The following ZNF469 variants were observed in gnomAD, a reference collection of about 807,000 sequenced individuals.
The protein encoded by ZNF469 is zinc finger protein 469.
Under a neutral mutation model 1.0 loss-of-function variants are expected in ZNF469, and 1 was observed. The observed-to-expected ratio is 1.00, with a 90% CI of 0.35 to 4.73. The LOEUF is 4.73. ZNF469 is among the 30% of genes most tolerant of loss of function. The probability of loss-of-function intolerance (pLI) is 0.16; values close to 1 mark genes in which losing one functional copy is unlikely to be tolerated. For synonymous variants in ZNF469, 2,703 were observed against 2,363.4 expected, an observed-to-expected ratio of 1.14 and a Z score of -4.17; for missense variants, 6,100 against 5,356.3, an observed-to-expected ratio of 1.14 and a Z score of -4.33.
At chr16:88,369,065 T>TA in the ZNF469 span, among the ~76,000 whole-genome samples, 1 of 147,610 alleles carries the variant, frequency 6.8e-6, no homozygotes, top group African/African-American at 2.6e-5. Context: ...GGCAACAGAG[T>TA]GAGATTCTGT....
chr16:88,428,605 A>C lies in ZNF469; in HGVS notation c.1135A>C (p.Ile379Leu). The C allele has an allele frequency of 6.5e-7, 1 of 1,550,154 alleles. No individual in the cohort carries two copies. Among genetic ancestry groups the C allele is most frequent in the Non-Finnish European group, 8.7e-7 (1 of 1,146,844 alleles). The change falls in exon 3 of 3, where the codon ATC becomes CTC. Residue 379 changes from isoleucine (I) to leucine (L), a missense_variant. Coordinates refer to ENST00000565624, the MANE Select transcript of ZNF469 (RefSeq NM_001367624.2). Reference protein sequence around the residue: ...SDSLHKSLTKILPERPPSAQD... With the variant: ...SDSLHKSLTKLLPERPPSAQD... ...CAGTTTACACAAGAGCCTGACCAAA[A>C]TCCTTCCCGAAAGACCACCTTCAGC...
chr16:88,364,989 A>C, the ZNF469 span, among the ~76,000 whole-genome samples: 1 of 152,224 alleles, frequency 6.6e-6, no homozygotes, highest in Non-Finnish European at 1.5e-5. Context: ...AAATGAGTGA[A>C]TAAAAAGGCT....
the ZNF469 span, among the ~76,000 whole-genome samples, chr16:88,261,438 G>A: frequency 6.6e-6 from 1 of 152,250 alleles, no homozygotes; most frequent in African/African-American, 2.4e-5. This position sits in a 1 kb window ranked among gnomAD's most constrained non-coding sequence, Gnocchi z 6.0. Context: ...CATGCCCCCC[G>A]CTGAGGAATT....
chr16:88,390,609 G>A (rs1024337615), intron 1 of ZNF469, among the ~76,000 whole-genome samples: 1 of 152,240 alleles, frequency 6.6e-6, no homozygotes, highest in Non-Finnish European at 1.5e-5. Context: ...GGAGAAAACA[G>A]GAAGCAGGGA....
rs997601003 is a variant in ZNF469 at position 88,433,398 on chromosome 16, G to T, written c.5928G>T (p.Gly1976=). 10 of 1,550,244 alleles carry T rather than the reference G, an allele frequency of 6.5e-6. No homozygotes were observed. Among genetic ancestry groups the T allele is most frequent in the African/African-American group, 1.4e-5 (1 of 73,058 alleles). The change falls in exon 3 of 3, where the codon GGG becomes GGT. Residue 1976 remains glycine, a synonymous_variant. Transcript: ENST00000565624. ...TLPAVAGHQL[G]LEADGHWGLL... is the part of the protein sequence containing the mutation. The stretch of plus-strand genomic sequence containing the variant: ...CTGCAGTGGCCGGACATCAGCTGGG[G>T]CTGGAGGCAGATGGACATTGGGGCT...
the ZNF469 span, among the ~76,000 whole-genome samples, chr16:88,284,552 A>G: frequency 7.0e-6 from 1 of 143,292 alleles, no homozygotes; most frequent in Admixed American, 7.3e-5. Flanking sequence ...TCAAGGCTGT[A>G]GTGAGCTGTG....
chr16:88,331,363 CCAT>C, the ZNF469 span, among the ~76,000 whole-genome samples: 113 of 150,724 alleles, frequency 7.5e-4, no homozygotes, highest in African/African-American at 1.8e-3. Context: ...ACCATCATCA[CCAT>C]CATCATCATC....
chr16:88,140,634 G>A, the ZNF469 span, among the ~76,000 whole-genome samples: 1 of 152,198 alleles, frequency 6.6e-6, no homozygotes, highest in Non-Finnish European at 1.5e-5. Flanking sequence ...AAACAGGTAA[G>A]TGGATTTTAA....
the ZNF469 span, among the ~76,000 whole-genome samples, chr16:88,284,388 G>T: frequency 1.3e-5 from 2 of 152,208 alleles, no homozygotes; most frequent in Admixed American, 6.5e-5. Context: ...GGCATCCCAA[G>T]AAGAATGACT....
chr16:88,371,930 CCA>C, the ZNF469 span, among the ~76,000 whole-genome samples: 159 of 5,918 alleles, frequency 0.027, 1 homozygote, highest in Middle Eastern at 0.11. Flanking sequence ...ACCACCATCA[CCA>C]TCACCACCAT....
chr16:88,195,196 G>A, the ZNF469 span: 5 of 152,190 alleles, frequency 3.3e-5, no homozygotes, highest in African/African-American at 4.8e-5. Flanking sequence ...AATAAATAAC[G>A]TGTGCATGGA....
At chr16:88,198,640 T>C in the ZNF469 span, among the ~76,000 whole-genome samples, 1 of 151,700 alleles carries the variant, frequency 6.6e-6, no homozygotes, top group Non-Finnish European at 1.5e-5. Context: ...AGTGCTGGAG[T>C]GTGTACTTTG....
At chr16:88,113,757 T>A in the ZNF469 span, among the ~76,000 whole-genome samples, 3 of 123,970 alleles carry the variant, frequency 2.4e-5, no homozygotes, top group Non-Finnish European at 5.6e-5. Context: ...GCGTCCCTTC[T>A]TCTTAATTTC....
intron 1 of ZNF469, among the ~76,000 whole-genome samples, chr16:88,387,220 C>T (rs1217201467): frequency 2.0e-5 from 3 of 152,334 alleles, no homozygotes; most frequent in Non-Finnish European, 2.9e-5. Flanking sequence ...TGCGTGCCTG[C>T]GGAAGCTGCC....
chr16:88,234,032 T>C, the ZNF469 span, among the ~76,000 whole-genome samples: 9 of 152,202 alleles, frequency 5.9e-5, no homozygotes, highest in African/African-American at 2.2e-4. Context: ...CTTTTTCCTA[T>C]TGGGATGAGC....
At chr16:88,265,203 C>T in the ZNF469 span, among the ~76,000 whole-genome samples, 1 of 152,218 alleles carries the variant, frequency 6.6e-6, no homozygotes, top group Non-Finnish European at 1.5e-5. Context: ...GTGAGTGAGT[C>T]ACCGGCTGCT....
At position 88,438,879 on chromosome 16, in the gene ZNF469, G is replaced by A. The variant is rs150233193; in HGVS notation, c.11409G>A (p.Gly3803=). Residue 3803 remains glycine, a synonymous_variant, in exon 3 of 3, where the codon GGG becomes GGA. Coordinates refer to ENST00000565624, the MANE Select transcript of ZNF469 (RefSeq NM_001367624.2). The part of the protein sequence containing the change: ...PREAGEQGPH[G]SLGPKEKGES... ...AAGCTGGTGAGCAGGGGCCCCACGGGAGCCTAGGTCCCAAGGAGAAGGGAG... is the reference window on the plus strand; with the variant it reads ...AAGCTGGTGAGCAGGGGCCCCACGGAAGCCTAGGTCCCAAGGAGAAGGGAG... The A allele has an allele frequency of 6.4e-7, 1 of 1,550,516 alleles. No individual in the cohort carries two copies. The highest frequency in any genetic ancestry group is 2.0e-5 in the Admixed American group (1 of 51,016).
chr16:88,244,552 G>C, the ZNF469 span, among the ~76,000 whole-genome samples: 7 of 151,144 alleles, frequency 4.6e-5, no homozygotes, highest in Non-Finnish European at 8.9e-5. Context: ...CAGGTGCATG[G>C]CTGGATGGGT....
intron 1 of ZNF469, among the ~76,000 whole-genome samples, chr16:88,403,189 G>C (rs56245809): frequency 6.6e-6 from 1 of 152,300 alleles, no homozygotes; most frequent in South Asian, 2.1e-4. Context: ...GCTTCTGTCC[G>C]TCCGTTGCCA....
Sources: allele counts gnomAD v4.1 joint callset (sites outside exome capture counted in the v4.1 genomes callset), GRCh38; gene constraint gnomAD v4.1.1; non-coding constraint Gnocchi (gnomAD v3.1); transcripts MANE v1.5; gene names NCBI Gene and HGNC (gene_info 2026-07-23, HGNC 2026-07-21).